RPTOR: variants seen among roughly 807,000 people sequenced by gnomAD.
The protein encoded by RPTOR is regulatory associated protein of MTOR complex 1.
In RPTOR, 21 loss-of-function variants were observed where a neutral mutation model predicts 169.9. That is an observed-to-expected ratio of 0.12 (90% CI 0.09 to 0.18). RPTOR has a LOEUF of 0.18. RPTOR is among the 10% of genes least tolerant of loss of function. RPTOR has a pLI of 1.00. For missense variants in RPTOR, 1,133 were observed against 1,855.9 expected, an observed-to-expected ratio of 0.61 and a Z score of 7.16; for synonymous variants, 732 against 753.2, an observed-to-expected ratio of 0.97 and a Z score of 0.46.
intron 9 of RPTOR, among the ~76,000 whole-genome samples, chr17:80,825,022 C>T (rs951531658): frequency 2.0e-5 from 3 of 150,848 alleles, no homozygotes; most frequent in Admixed American, 2.0e-4. Context: ...TCCCACCTCT[C>T]CATCTAGAGG....
intron 24 of RPTOR, among the ~76,000 whole-genome samples, chr17:80,939,651 C>A (rs556399774): frequency 6.6e-6 from 1 of 152,196 alleles, no homozygotes; most frequent in African/African-American, 2.4e-5. Context: ...TCTCTCGGGG[C>A]CCGGCCTGGC....
chr17:80,930,390 GCTCATT>G (rs2068875846), intron 24 of RPTOR, among the ~76,000 whole-genome samples: 5 of 4,256 alleles, frequency 1.2e-3, no homozygotes, highest in South Asian at 4.6e-3. Context: ...GCTCAGCTCA[GCTCATT>G]CTCAGCTCAT....
intron 21 of RPTOR, among the ~76,000 whole-genome samples, chr17:80,913,450 G>A (rs2068635432): frequency 3.3e-5 from 5 of 151,934 alleles, no homozygotes; most frequent in Admixed American, 3.3e-4. Flanking sequence ...TTTTGGGGGT[G>A]TTGTTTGTTT....
At chr17:80,680,278 A>C (rs1318223377) in intron 3 of RPTOR, among the ~76,000 whole-genome samples, 1 of 152,160 alleles carries the variant, frequency 6.6e-6, no homozygotes, top group African/African-American at 2.4e-5. Context: ...ATTCCGTTCT[A>C]ACTGGAATCC....
intron 3 of RPTOR, among the ~76,000 whole-genome samples, chr17:80,657,306 C>T (rs2065687427): frequency 6.6e-6 from 1 of 152,050 alleles, no homozygotes; most frequent in Non-Finnish European, 1.5e-5. Context: ...CAAGGTAAAC[C>T]TTGGAGAGTG....
intron 10 of RPTOR, among the ~76,000 whole-genome samples, chr17:80,840,779 C>T (rs111211125): frequency 0.11 from 9,726 of 91,862 alleles, 1,103 homozygotes; most frequent in African/African-American, 0.12. Flanking sequence ...CTCACCACAC[C>T]GCAGCTCACA....
At chr17:80,743,527 G>A (rs1014833783) in intron 5 of RPTOR, 1 of 867,692 alleles carries the variant, frequency 1.2e-6, no homozygotes, top group African/African-American at 1.8e-5. Flanking sequence ...TGCCAGGTCT[G>A]AAAGAGGTCA....
Position 80,729,433 on chromosome 17 carries a change from C to T in RPTOR, c.508-1127C>T, listed in dbSNP as rs564774628. On this transcript the variant is annotated intron_variant, in intron 4 of 33. Coordinates refer to ENST00000306801, the MANE Select transcript of RPTOR (RefSeq NM_020761.3). ...TCCTTAAAAATGTTAGCTTTGCGTT[C>T]GGATTGTAAGTGTTTCTCAAGTGAG... Among the ~76,000 whole-genome samples, 14 of 152,294 alleles carry T rather than the reference C, an allele frequency of 9.2e-5. No homozygotes were observed. In the South Asian group the frequency reaches 2.7e-3, roughly 29 times the overall value.
At chr17:80,848,699 C>T (rs184935530) in intron 11 of RPTOR, among the ~76,000 whole-genome samples, 1 of 152,346 alleles carries the variant, frequency 6.6e-6, no homozygotes, top group East Asian at 1.9e-4. Flanking sequence ...ACTGGCCTTC[C>T]TACTATTTGA....
At chr17:80,872,273 C>T (rs1166391193) in intron 13 of RPTOR, among the ~76,000 whole-genome samples, 1 of 152,226 alleles carries the variant, frequency 6.6e-6, no homozygotes, top group East Asian at 1.9e-4. Flanking sequence ...TGGAAAGTAG[C>T]ACTGCTGTGC....
At chr17:80,706,769 G>A (rs1050320468) in intron 3 of RPTOR, among the ~76,000 whole-genome samples, 1 of 152,108 alleles carries the variant, frequency 6.6e-6, no homozygotes, top group African/African-American at 2.4e-5. Context: ...AGCTCCTTGG[G>A]GTATTTACTG....
chr17:80,621,637 C>T (rs1244670712), intron 1 of RPTOR, among the ~76,000 whole-genome samples: 3 of 152,232 alleles, frequency 2.0e-5, no homozygotes, highest in East Asian at 1.9e-4. Context: ...GGGAGGGGAA[C>T]GCCACCACCT....
At chr17:80,744,101 T>TAGCACAGCCCTGGTTACG (rs2066530135) in intron 5 of RPTOR, among the ~76,000 whole-genome samples, 1 of 37,146 alleles carries the variant, frequency 2.7e-5, no homozygotes, top group Admixed American at 1.7e-4. Flanking sequence ...CCCTGGTTAC[T>TAGCACAGCCCTGGTTACG]AGCACAGCCC....
chr17:80,695,990 T>C lies in RPTOR; in HGVS notation c.349-11851T>C, dbSNP rs1212604889. ...TTACATCTTAGATGGAAATTGGCCG[T>C]GTCTCTGCTGTTTCTGAGTGTGCGA... On this transcript the variant is annotated intron_variant, in intron 3 of 33. Coordinates refer to ENST00000306801, the MANE Select transcript of RPTOR (RefSeq NM_020761.3). This position sits in a 1 kb window ranked among gnomAD's most constrained non-coding sequence, Gnocchi z 4.9. Among the ~76,000 whole-genome samples the C allele has an allele frequency of 6.6e-6, 1 of 152,198 alleles. No homozygotes were observed. Among genetic ancestry groups the C allele is most frequent in the East Asian group, 1.9e-4 (1 of 5,200 alleles).
intron 13 of RPTOR, among the ~76,000 whole-genome samples, chr17:80,862,817 C>G (rs1005790888): frequency 1.3e-5 from 2 of 152,114 alleles, no homozygotes; most frequent in African/African-American, 4.8e-5. Flanking sequence ...GGTGTACAGA[C>G]GGGTCCACCT....
In RPTOR at chr17:80,758,750, C is replaced by T. The variant is rs73362887; in HGVS notation, c.830+4565C>T. Among the ~76,000 whole-genome samples, 173 of 152,158 alleles carry T rather than the reference C, an allele frequency of 1.1e-3. 2 individuals carry two copies. The highest frequency in any genetic ancestry group is 3.7e-3 in the African/African-American group (154 of 41,486). On this transcript the variant is annotated intron_variant, in intron 6 of 33. Transcript: ENST00000306801. ...CCTGACTCCAGAATCAACACCACAC[C>T]AGCTCTGCCTTTAGACTCTGCCCAG...
chr17:80,546,706 A>T (rs974648725), intron 1 of RPTOR, among the ~76,000 whole-genome samples: 1 of 152,164 alleles, frequency 6.6e-6, no homozygotes, highest in Admixed American at 6.5e-5. Context: ...AGGCTTATGT[A>T]TATGTTTATG....
Position 80,964,543 on chromosome 17 carries a change from A to G in RPTOR, c.*213A>G. The G allele has an allele frequency of 1.7e-6, 1 of 592,294 alleles. No individual in the cohort carries two copies. Among genetic ancestry groups the G allele is most frequent in the Non-Finnish European group, 3.0e-6 (1 of 331,160 alleles). The allele number at this position is 592,294 out of a possible 1,614,324, so 36.7% of individuals were successfully genotyped here. A position where few individuals can be genotyped will look rare whatever the true frequency, so the allele number is the denominator to read the frequency against. ...TCAGGGAAGGGGAGGGCTCGGGTTG[A>G]CGGTGGCTTCCCACTGAGCACCAGC... On this transcript the variant is annotated 3_prime_UTR_variant, in exon 34 of 34. Transcript: ENST00000306801.
chr17:80,698,902 C>T (rs1376713305), intron 3 of RPTOR, among the ~76,000 whole-genome samples: 7 of 152,218 alleles, frequency 4.6e-5, no homozygotes, highest in Admixed American at 4.6e-4. Flanking sequence ...GCCTGCTGGC[C>T]AGGAAGCGCC....
Sources: gnomAD v4.1 joint callset for allele counts (sites outside exome capture counted in the v4.1 genomes callset) on GRCh38, gnomAD v4.1.1 for gene constraint, Gnocchi (gnomAD v3.1) non-coding constraint, MANE v1.5 for transcripts, NCBI Gene and HGNC (gene_info 2026-07-23, HGNC 2026-07-21) for gene names.